Variants in RPS27A observed in about 807,000 individuals in gnomAD.
The protein encoded by RPS27A is ubiquitin-ribosomal protein eS31 fusion protein.
RPS27A carries 1 observed loss-of-function variant against 18.9 expected under a neutral mutation model. That is an observed-to-expected ratio of 0.05 (90% CI 0.02 to 0.25). RPS27A has a LOEUF of 0.25. Among genes scored for constraint, RPS27A ranks in the 10% least tolerant of loss-of-function variants. The pLI is 1.00. For synonymous variants in RPS27A, 77 were observed against 63.7 expected (o/e 1.21, Z -0.99); for missense variants, 123 against 187.4 (o/e 0.66, Z 2.01).
In RPS27A at chr2:55,232,745, C is replaced by T. The variant is rs1415232846; in HGVS notation, c.-18+37C>T. On this transcript the variant is annotated intron_variant, in intron 1 of 5. Coordinates refer to ENST00000272317, the MANE Select transcript of RPS27A (RefSeq NM_002954.6). ...CACTTCGGCTGCTCTCGGGTTAGCA[C>T]CCTATGGTGCCTTCTCTTGTGATCC... The T allele has an allele frequency of 1.2e-5, 16 of 1,324,366 alleles. No individual in the cohort carries two copies. The South Asian group carries it at 1.4e-4, about 11-fold the overall frequency. 82.0% of individuals were successfully genotyped at this position (1,324,366 alleles called of 1,614,324 possible).
intron 3 of RPS27A, 30 bp downstream of exon 3, chr2:55,233,447 T>C: frequency 6.4e-7 from 1 of 1,567,290 alleles, no homozygotes; most frequent in Non-Finnish European, 8.8e-7. Flanking sequence ...TAAGAAAACT[T>C]AACCTGCGGA....
intron 2 of RPS27A, 54 bp downstream of exon 2, chr2:55,232,926 G>C: frequency 2.1e-6 from 3 of 1,402,510 alleles, no homozygotes; most frequent in African/African-American, 2.8e-5. Context: ...TCCTGAGGTG[G>C]ATTTTAGGAC....
chr2:55,234,440 G>A, intron 4 of RPS27A: 2 of 578,156 alleles, frequency 3.5e-6, no homozygotes, highest in Admixed American at 3.0e-5. Context: ...GGGCATAAGT[G>A]ATCTTCCCAC....
At position 55,233,378 on chromosome 2, in the gene RPS27A, A is replaced by G; in HGVS notation, c.64A>G (p.Thr22Ala). The change falls in exon 3 of 6, where the codon ACG (threonine) becomes GCG (alanine). Residue 22 changes from threonine (T) to alanine (A), a missense_variant. Physicochemically the swap from Thr to Ala is moderately conservative, Grantham distance 58. Transcript: ENST00000272317. ...ACACTCATAGGTTGAACCCTCGGAT[A>G]CGATAGAAAATGTAAAGGCCAAGAT... ...TITLEVEPSDTIENVKAKIQD... is the reference protein window; with the variant it reads ...TITLEVEPSDAIENVKAKIQD... 2 of 1,613,420 alleles carry G rather than the reference A, an allele frequency of 1.2e-6. No individual in the cohort carries two copies. The highest frequency in any genetic ancestry group is 8.5e-7 in the Non-Finnish European group (1 of 1,179,346).
At chr2:55,234,580 C>A in intron 4 of RPS27A, 1 of 571,922 alleles carries the variant, frequency 1.7e-6, no homozygotes, top group Non-Finnish European at 3.1e-6. Flanking sequence ...TATACTGATA[C>A]TTGAGAAGCA....
rs1281651125 is a variant in RPS27A at position 55,235,451 on chromosome 2, T to C, written c.345T>C (p.Ser115=). ...YYKVDENGKI[S]RLRRECPSDE... The stretch of plus-strand genomic sequence containing the variant: ...AGGTGGATGAGAATGGCAAAATTAG[T>C]CGCCTTCGTCGAGAGTGCCCTTCTG... The change falls in exon 6 of 6, where the codon AGT becomes AGC. Residue 115 remains serine (S), a synonymous_variant. Coordinates refer to ENST00000272317, the MANE Select transcript of RPS27A (RefSeq NM_002954.6). 3.7e-6 allele frequency: 6 copies of C among 1,611,872 alleles called. No individual in the cohort carries two copies. The highest frequency in any genetic ancestry group is 2.7e-5 in the African/African-American group (2 of 74,862).
Position 55,233,476 on chromosome 2 carries a change from G to C in RPS27A, c.103+59G>C, listed in dbSNP as rs534089174. On this transcript the variant is annotated intron_variant, in intron 3 of 5. Transcript: ENST00000272317. Reference sequence around the variant, plus strand: ...CTGCGGAGACTTCGGCCTACCTGTAGGTGCTAGACATACCTGCTCTTGGTG... The same window carrying C: ...CTGCGGAGACTTCGGCCTACCTGTACGTGCTAGACATACCTGCTCTTGGTG... 1.6e-5 allele frequency: 19 copies of C among 1,181,654 alleles called. 1 individual carries two copies. In the South Asian group the frequency reaches 2.0e-4, roughly 12 times the overall value. 73.2% of individuals were successfully genotyped at this position (1,181,654 alleles called of 1,614,324 possible). A position where few individuals can be genotyped will look rare whatever the true frequency, so the allele number is the denominator to read the frequency against.
intron 5 of RPS27A, 111 bp downstream of exon 5, chr2:55,235,073 A>AT: frequency 8.2e-7 from 1 of 1,221,332 alleles, no homozygotes; most frequent in East Asian, 2.5e-5. Context: ...ATATTATCCC[A>AT]CTTTGGTTTA....
Position 55,235,497 on chromosome 2 carries a change from T to G in RPS27A, c.391T>G (p.Phe131Val). 1.2e-6 allele frequency: 2 copies of G among 1,611,492 alleles called. No homozygotes were observed. Among genetic ancestry groups the G allele is most frequent in the Non-Finnish European group, 1.7e-6 (2 of 1,179,986 alleles). Residue 131 changes from phenylalanine (F) to valine (V), a missense_variant, in exon 6 of 6, where the codon TTT becomes GTT. Physicochemically the swap from Phe to Val is conservative, Grantham distance 50. Coordinates refer to ENST00000272317, the MANE Select transcript of RPS27A (RefSeq NM_002954.6). ...CPSDECGAGVFMASHFDRHYC... is the reference protein window; with the variant it reads ...CPSDECGAGVVMASHFDRHYC... ...TTCTGATGAATGTGGTGCTGGGGTG[T>G]TTATGGCAAGTCACTTTGACAGACA...
intron 3 of RPS27A, chr2:55,233,764 G>C (rs1234986602): frequency 2.1e-6 from 1 of 469,408 alleles, no homozygotes; most frequent in African/African-American, 2.0e-5. Context: ...TATTAGTGGG[G>C]ATTACAGGCG....
rs1424005165 is a variant in RPS27A at position 55,235,760 on chromosome 2, G to C, written c.*183G>C. On this transcript the variant is annotated 3_prime_UTR_variant, in exon 6 of 6. Coordinates refer to ENST00000272317, the MANE Select transcript of RPS27A (RefSeq NM_002954.6). ...CCCAGTGGTTCTGTATACCTGCCAGGTGCCAACCACTTGTAAAGGTCTTGA... is the reference window on the plus strand; with the variant it reads ...CCCAGTGGTTCTGTATACCTGCCAGCTGCCAACCACTTGTAAAGGTCTTGA... 1 of 667,702 alleles carries C rather than the reference G, an allele frequency of 1.5e-6. No homozygotes were observed. The highest frequency in any genetic ancestry group is 2.6e-6 in the Non-Finnish European group (1 of 383,090). 41.4% of individuals were successfully genotyped at this position (667,702 alleles called of 1,614,324 possible).
At chr2:55,233,543 A>C in intron 3 of RPS27A, 126 bp downstream of exon 3, 1 of 724,102 alleles carries the variant, frequency 1.4e-6, no homozygotes, top group Non-Finnish European at 2.5e-6. Flanking sequence ...ATACTTGTGG[A>C]ATAACACAAT....
upstream of RPS27A, chr2:55,232,284 T>C (rs554224430): frequency 7.4e-5 from 15 of 202,898 alleles, no homozygotes; most frequent in South Asian, 1.1e-3. Flanking sequence ...AGATAGTAAC[T>C]AGGGAATCTG....
chr2:55,234,743 C>A, intron 4 of RPS27A, 88 bp from the exon 5 acceptor site: 1 of 1,457,232 alleles, frequency 6.9e-7, no homozygotes, highest in Non-Finnish European at 9.6e-7. Flanking sequence ...TTGTGTGCTG[C>A]TACTGCTTTT....
In RPS27A at chr2:55,235,587, T is replaced by G; in HGVS notation, c.*10T>G. The G allele has an allele frequency of 6.3e-7, 1 of 1,599,914 alleles. No homozygotes were observed. The highest frequency in any genetic ancestry group is 8.5e-7 in the Non-Finnish European group (1 of 1,179,804). Reference sequence around the variant, plus strand: ...ACCAGAAGACAAGTAACTGTATGAGTTAATAAAAGACATGAACTAACATTT... The same window carrying G: ...ACCAGAAGACAAGTAACTGTATGAGGTAATAAAAGACATGAACTAACATTT... On this transcript the variant is annotated 3_prime_UTR_variant, in exon 6 of 6. Coordinates refer to ENST00000272317, the MANE Select transcript of RPS27A (RefSeq NM_002954.6).
intron 3 of RPS27A, 66 bp from the exon 4 acceptor site, chr2:55,234,053 C>T (rs1675661174): frequency 2.9e-6 from 3 of 1,022,306 alleles, no homozygotes; most frequent in East Asian, 4.7e-5. Context: ...GGGGTGTTAC[C>T]TTATAAGTCT....
At chr2:55,233,899 G>GTA in intron 3 of RPS27A, 1 of 606,412 alleles carries the variant, frequency 1.6e-6, no homozygotes, top group Non-Finnish European at 3.0e-6. Flanking sequence ...CAAAGTATTG[G>GTA]TATTACAGGT....
intron 2 of RPS27A, 73 bp from the exon 3 acceptor site, chr2:55,233,290 A>G: frequency 1.6e-6 from 2 of 1,268,266 alleles, no homozygotes; most frequent in East Asian, 4.6e-5. Flanking sequence ...TTCAGTGGTA[A>G]TTGTCAAACT....
At chr2:55,234,244 T>C (rs771772760) in intron 4 of RPS27A, 40 bp downstream of exon 4, 2 of 1,412,648 alleles carry the variant, frequency 1.4e-6, no homozygotes, top group Non-Finnish European at 2.0e-6. Flanking sequence ...AAAAAAAAAA[T>C]GTTATTTTGG....
Sources: gnomAD v4.1 joint callset for allele counts on GRCh38, gnomAD v4.1.1 for gene constraint, MANE v1.5 for transcripts, NCBI Gene and HGNC (gene_info 2026-07-23, HGNC 2026-07-21) for gene names.